The following OASL variants were observed in gnomAD, a reference collection of about 807,000 sequenced individuals.
OASL encodes the protein 2'-5'-oligoadenylate synthase-like protein.
In OASL, 28 loss-of-function variants were observed where a neutral mutation model predicts 35.3. That is an observed-to-expected ratio of 0.79 (90% CI 0.59 to 1.09). The LOEUF is 1.09. OASL is among the 50% of genes least tolerant of loss of function. The pLI is 0.00. For synonymous variants in OASL, 252 were observed against 254.6 expected (o/e 0.99, Z 0.10); for missense variants, 620 against 635.2 (o/e 0.98, Z 0.26).
At chr12:121,023,287 C>CTTTTTTTTTTT (rs768266698) in intron 5 of OASL, among the ~76,000 whole-genome samples, 2 of 123,276 alleles carry the variant, frequency 1.6e-5, no homozygotes, top group African/African-American at 3.0e-5. Flanking sequence ...TTTTTTTTTT[C>CTTTTTTTTTTT]TTTTTTTCTT....
At position 121,024,116 on chromosome 12, in the gene OASL, G is replaced by A. The variant is rs80192388; in HGVS notation, c.921C>T (p.Ala307=). Residue 307 remains alanine (A), a synonymous_variant, in exon 5 of 6, where the codon GCC becomes GCT. Transcript: ENST00000257570. The stretch of plus-strand genomic sequence containing the variant: ...CTTCTGCCACGTTGAGGGTGGGGTC[G>A]GCCGGATCCAGGATGATGGGCCTGT... The A allele has an allele frequency of 2.3e-5, 37 of 1,614,062 alleles. 1 individual carries two copies. The highest frequency in any genetic ancestry group is 8.9e-5 in the East Asian group (4 of 44,874).
chr12:121,031,370 A>G, intron 3 of OASL, 72 bp downstream of exon 3: 2 of 1,491,410 alleles, frequency 1.3e-6, no homozygotes, highest in Non-Finnish European at 1.8e-6. Context: ...TCCTGAGATG[A>G]AAATCAGGCC....
At chr12:121,031,331 A>T in intron 3 of OASL, 111 bp downstream of exon 3, 1 of 1,028,288 alleles carries the variant, frequency 9.7e-7, no homozygotes, top group Non-Finnish European at 1.4e-6. Context: ...CTCCCTCTCT[A>T]CCTGCTTCCA....
chr12:121,027,551 T>G, intron 4 of OASL, 25 bp downstream of exon 4: 3 of 1,611,194 alleles, frequency 1.9e-6, no homozygotes, highest in Non-Finnish European at 2.5e-6. Context: ...CTGTAAGATT[T>G]GGTGGGCAAA....
exon 6 of OASL, chr12:121,020,109 CT>C: frequency 6.4e-6 from 1 of 156,258 alleles, no homozygotes; most frequent in Non-Finnish European, 1.4e-5. Context: ...TGGGATAATC[CT>C]TTTTTTAAAC....
chr12:121,018,616 C>A (rs373581812), downstream of OASL, among the ~76,000 whole-genome samples: 8 of 152,094 alleles, frequency 5.3e-5, no homozygotes, highest in African/African-American at 1.9e-4. Context: ...CAACTGTAAT[C>A]CCAGCACTGT....
At chr12:121,031,127 C>T (rs1466845747) in intron 3 of OASL, among the ~76,000 whole-genome samples, 1 of 151,642 alleles carries the variant, frequency 6.6e-6, no homozygotes, top group Non-Finnish European at 1.5e-5. Context: ...GCACTACAGC[C>T]TGGGCAACAA....
At chr12:121,032,677 TC>T (rs1422991154) in intron 2 of OASL, among the ~76,000 whole-genome samples, 3 of 152,182 alleles carry the variant, frequency 2.0e-5, no homozygotes, top group Non-Finnish European at 4.4e-5. Context: ...TACCGGTGTT[TC>T]CTGGGAGGAA....
At position 121,024,140 on chromosome 12, in the gene OASL, G is replaced by T. The variant is rs1189213150; in HGVS notation, c.900-3C>A. On this transcript the variant is annotated splice_polypyrimidine_tract_variant and splice_region_variant and intron_variant, in intron 4 of 5. Coordinates refer to ENST00000257570, the Ensembl canonical transcript of OASL. Reference sequence around the variant, plus strand: ...CGGCCGGATCCAGGATGATGGGCCTGTAACACAGGAAAAGGGTGCCCAGGC... The same window carrying T: ...CGGCCGGATCCAGGATGATGGGCCTTTAACACAGGAAAAGGGTGCCCAGGC... The T allele has an allele frequency of 6.8e-6, 11 of 1,613,458 alleles. No homozygotes were observed. The highest frequency in any genetic ancestry group is 8.5e-6 in the Non-Finnish European group (10 of 1,179,698).
At chr12:121,031,305 A>T in intron 3 of OASL, 137 bp downstream of exon 3, 2 of 776,374 alleles carry the variant, frequency 2.6e-6, no homozygotes. Flanking sequence ...TTTACATTTC[A>T]AAAGACTAGC....
exon 6 of OASL, chr12:121,020,662 C>A: frequency 6.2e-7 from 1 of 1,614,246 alleles, no homozygotes. Context: ...TCCTGCAGGA[C>A]TTGGCCTTGG....
intron 1 of OASL, among the ~76,000 whole-genome samples, chr12:121,037,956 G>T (rs1870019960): frequency 6.6e-6 from 1 of 151,790 alleles, no homozygotes; most frequent in Admixed American, 6.6e-5. Context: ...GCTGAGCATG[G>T]TGGTGCATGC....
chr12:121,033,471 G>C lies in OASL; in HGVS notation c.471C>G (p.Tyr157Ter). ...TTCCCCTCCCCTTACCCAGGGCTCT[G>C]TAGGCAGGCACAATGGTGACCGTGA... The change falls in exon 2 of 6, where the codon TAC becomes TAG. Residue 157 changes from tyrosine to a stop codon, truncating the protein, a stop_gained. Coordinates refer to ENST00000257570, the Ensembl canonical transcript of OASL. LOFTEE classifies it high-confidence loss of function. 6.2e-7 allele frequency: 1 copy of C among 1,610,206 alleles called. No homozygotes were observed. The highest frequency in any genetic ancestry group is 8.5e-7 in the Non-Finnish European group (1 of 1,176,604).
chr12:121,024,336 G>C (rs2259883), intron 4 of OASL, among the ~76,000 whole-genome samples, 199 bp from the exon 5 acceptor site: 77,824 of 152,040 alleles, frequency 0.51, 21,059 homozygotes, highest in East Asian at 0.74. Flanking sequence ...TCCTATCTGG[G>C]CCAGGCACAG....
At chr12:121,034,936 G>A (rs565807596) in intron 1 of OASL, among the ~76,000 whole-genome samples, 6 of 152,070 alleles carry the variant, frequency 3.9e-5, no homozygotes, top group Admixed American at 1.3e-4. Flanking sequence ...ATTTTTCGAT[G>A]TTTTGAGATT....
intron 3 of OASL, 95 bp from the exon 4 acceptor site, chr12:121,027,912 C>G: frequency 9.6e-7 from 1 of 1,037,290 alleles, no homozygotes; most frequent in Non-Finnish European, 1.4e-6. Flanking sequence ...AAGTTCTAGT[C>G]CTGGCTCTGC....
rs371593303 is a variant in OASL, at chr12:121,033,460, C to A, written c.481+1G>T. On this transcript the variant is annotated splice_donor_variant, in intron 2 of 5. Transcript: ENST00000257570. LOFTEE classifies it high-confidence loss of function. ...GTCGGGTGAGCTTCCCCTCCCCTTA[C>A]CCAGGGCTCTGTAGGCAGGCACAAT... is the stretch of plus-strand genomic sequence containing the variant. 6.2e-7 allele frequency: 1 copy of A among 1,606,352 alleles called. No individual in the cohort carries two copies. The highest frequency in any genetic ancestry group is 1.3e-5 in the African/African-American group (1 of 74,754).
chr12:121,017,903 C>T (rs1003214562), downstream of OASL, among the ~76,000 whole-genome samples: 2 of 152,162 alleles, frequency 1.3e-5, no homozygotes, highest in Admixed American at 6.5e-5. Context: ...AAACAAGTAC[C>T]GTTGATCACA....
intron 4 of OASL, among the ~76,000 whole-genome samples, chr12:121,027,283 A>G (rs1406387284): frequency 2.2e-5 from 3 of 138,908 alleles, no homozygotes; most frequent in African/African-American, 7.6e-5. Context: ...CCATTTTCCC[A>G]TGCTAGCTCC....
Sources: gnomAD v4.1 joint callset for allele counts (sites outside exome capture counted in the v4.1 genomes callset) on GRCh38, gnomAD v4.1.1 for gene constraint, MANE v1.5 for transcripts, NCBI Gene and HGNC (gene_info 2026-07-23, HGNC 2026-07-21) for gene names.